Variants in CDK5RAP2 observed in about 807,000 individuals in gnomAD.
The protein encoded by CDK5RAP2 is CDK5 regulatory subunit associated protein 2, also known as CDK5 regulatory subunit-associated protein 2.
Under a neutral mutation model 232.9 loss-of-function variants are expected in CDK5RAP2, and 147 were observed. The ratio of observed to expected loss-of-function variants is 0.63; its 90% CI spans 0.55 to 0.72. The LOEUF is 0.72. Among genes scored for constraint, CDK5RAP2 ranks in the 30% least tolerant of loss-of-function variants. The pLI is 0.00. For synonymous variants in CDK5RAP2, 833 were observed against 833.7 expected (o/e 1.00, Z 0.01); for missense variants, 2,195 against 2,231.5 (o/e 0.98, Z 0.33).
rs779426467 is a variant in CDK5RAP2 at position 120,458,651 on chromosome 9, T to C, written c.2203-29A>G. 1.1e-5 allele frequency: 17 copies of C among 1,607,808 alleles called. No homozygotes were observed. In the African/African-American group the frequency reaches 1.2e-4, roughly 11 times the overall value. ...CAAATAAAAGTATTTGGTCAAATAA[T>C]GGAATAAGGAGGAAGGGAATGGGGT... On this transcript the variant is annotated intron_variant, in intron 19 of 37. Coordinates refer to ENST00000349780, the MANE Select transcript of CDK5RAP2 (RefSeq NM_018249.6).
At chr9:120,518,840 T>C (rs765973928) in intron 11 of CDK5RAP2, among the ~76,000 whole-genome samples, 195 bp from the exon 12 acceptor site, 12 of 152,008 alleles carry the variant, frequency 7.9e-5, no homozygotes, top group Non-Finnish European at 7.4e-5. Context: ...ATGATGTGGA[T>C]GGTTGTATGA....
Position 120,437,408 on chromosome 9 carries a change from A to T in CDK5RAP2, c.3842T>A (p.Phe1281Tyr). ...RQHMNTMIKAFEELLQASDVD... is the reference protein window; with the variant it reads ...RQHMNTMIKAYEELLQASDVD... ...ATCACTGGCCTGCAGCAACTCCTCA[A>T]ATGCCTTAATCATGGTGTTCATGTG... Residue 1281 changes from phenylalanine to tyrosine, a missense_variant, in exon 25 of 38, where the codon TTT becomes TAT. Coordinates refer to ENST00000349780, the MANE Select transcript of CDK5RAP2 (RefSeq NM_018249.6). 6.2e-7 allele frequency: 1 copy of T among 1,614,096 alleles called. No individual in the cohort carries two copies. Among genetic ancestry groups the T allele is most frequent in the East Asian group, 2.2e-5 (1 of 44,884 alleles).
At position 120,527,931 on chromosome 9, in the gene CDK5RAP2, T is replaced by C; in HGVS notation, c.880-6A>G. On this transcript the variant is annotated splice_region_variant and splice_polypyrimidine_tract_variant and intron_variant, in intron 9 of 37. Coordinates refer to ENST00000349780, the MANE Select transcript of CDK5RAP2 (RefSeq NM_018249.6). ...CTCAGGTCCTCTTCAAGTGCCTAAATTAGATTAGAAAAAGATTCACTAAGT... is the reference window on the plus strand; with the variant it reads ...CTCAGGTCCTCTTCAAGTGCCTAAACTAGATTAGAAAAAGATTCACTAAGT... 1 of 1,613,670 alleles carries C rather than the reference T, an allele frequency of 6.2e-7. No individual in the cohort carries two copies. Among genetic ancestry groups the C allele is most frequent in the African/African-American group, 1.3e-5 (1 of 75,058 alleles).
intron 7 of CDK5RAP2, 97 bp downstream of exon 7, chr9:120,536,275 G>A (rs2041380475): frequency 1.5e-6 from 2 of 1,345,934 alleles, no homozygotes; most frequent in East Asian, 4.6e-5. Context: ...GGAAACATGG[G>A]GAGAAGGGAG....
At chr9:120,458,765 GGGA>G (rs1564247834) in intron 19 of CDK5RAP2, 143 bp from the exon 20 acceptor site, 3 of 733,048 alleles carry the variant, frequency 4.1e-6, no homozygotes, top group South Asian at 3.2e-5. Flanking sequence ...AAAGAAAAGG[GGGA>G]GGAGAAGGAG....
At chr9:120,415,308 G>T in intron 27 of CDK5RAP2, 149 bp from the exon 28 acceptor site, 1 of 840,416 alleles carries the variant, frequency 1.2e-6, no homozygotes, top group Non-Finnish European at 1.9e-6. Context: ...GCATGGGGAG[G>T]GTGAGCTATT....
intron 30 of CDK5RAP2, among the ~76,000 whole-genome samples, chr9:120,408,787 T>G (rs2033655479): frequency 6.6e-6 from 1 of 152,264 alleles, no homozygotes; most frequent in Non-Finnish European, 1.5e-5. Flanking sequence ...CTAAGCCACT[T>G]TGCCTCAGGG....
intron 35 of CDK5RAP2, among the ~76,000 whole-genome samples, chr9:120,400,158 G>A (rs1007613063): frequency 2.6e-5 from 4 of 152,156 alleles, no homozygotes; most frequent in African/African-American, 9.7e-5. Flanking sequence ...CGTTCACCTT[G>A]TCATGACACC....
chr9:120,528,077 C>A, intron 9 of CDK5RAP2, 152 bp from the exon 10 acceptor site: 1 of 1,095,944 alleles, frequency 9.1e-7, no homozygotes, highest in Non-Finnish European at 1.3e-6. Flanking sequence ...GAACATAGTG[C>A]CATCAGCTCC....
At chr9:120,564,685 T>C (rs1172680695) in intron 3 of CDK5RAP2, among the ~76,000 whole-genome samples, 2 of 152,242 alleles carry the variant, frequency 1.3e-5, no homozygotes, top group African/African-American at 2.4e-5. Context: ...AATAATGCCA[T>C]CCATGAGTAT....
chr9:120,508,314 G>A (rs1261894772), intron 12 of CDK5RAP2, among the ~76,000 whole-genome samples: 2 of 152,130 alleles, frequency 1.3e-5, no homozygotes, highest in African/African-American at 2.4e-5. Context: ...AGGCTGTGGC[G>A]GAAACAGATG....
At chr9:120,560,107 CAGCAAGAGCTAAG>C (rs1396189385) in intron 3 of CDK5RAP2, among the ~76,000 whole-genome samples, 3 of 152,222 alleles carry the variant, frequency 2.0e-5, no homozygotes, top group African/African-American at 7.2e-5. Context: ...CCACCCAAGA[CAGCAAGAGCTAAG>C]AGCAAGAGCT....
chr9:120,446,593 C>T (rs2036206200), intron 22 of CDK5RAP2, among the ~76,000 whole-genome samples: 1 of 152,130 alleles, frequency 6.6e-6, no homozygotes, highest in Non-Finnish European at 1.5e-5. Flanking sequence ...CAAAAGTTTC[C>T]AATCTTACCA....
intron 12 of CDK5RAP2, chr9:120,517,900 A>C: frequency 3.0e-6 from 1 of 331,676 alleles, no homozygotes. Context: ...TCTCAAAAAA[A>C]ACAACAAAGA....
At position 120,542,823 on chromosome 9, in the gene CDK5RAP2, A is replaced by C. The variant is rs10984950; in HGVS notation, c.383+2891T>G. Among the ~76,000 whole-genome samples the C allele has an allele frequency of 3.2e-4, 48 of 152,346 alleles. No homozygotes were observed. The East Asian group carries it at 7.7e-3, about 24-fold the overall frequency. ...AGTGTTTTATAAACTAAAAAGTGTT[A>C]AACATAGAGTATTATCATTCTGTAC... is the stretch of plus-strand genomic sequence containing the variant. On this transcript the variant is annotated intron_variant, in intron 5 of 37. Transcript: ENST00000349780.
chr9:120,531,730 A>G (rs1230970376), intron 7 of CDK5RAP2, among the ~76,000 whole-genome samples: 1 of 152,228 alleles, frequency 6.6e-6, no homozygotes, highest in Non-Finnish European at 1.5e-5. Flanking sequence ...AAGATTTTGC[A>G]GTCAGACAGA....
intron 20 of CDK5RAP2, among the ~76,000 whole-genome samples, chr9:120,455,323 G>A (rs554497131): frequency 4.1e-4 from 62 of 150,824 alleles, no homozygotes; most frequent in African/African-American, 1.5e-3. Flanking sequence ...AAGGGGTGAG[G>A]CTGGAAAGAT....
intron 13 of CDK5RAP2, 74 bp from the exon 14 acceptor site, chr9:120,487,511 T>C (rs2038677905): frequency 8.7e-7 from 1 of 1,154,252 alleles, no homozygotes; most frequent in African/African-American, 1.6e-5. Flanking sequence ...CCAAACTCCT[T>C]AAGGAAAAAT....
At chr9:120,517,185 T>C (rs2040375942) in intron 12 of CDK5RAP2, among the ~76,000 whole-genome samples, 1 of 152,220 alleles carries the variant, frequency 6.6e-6, no homozygotes, top group South Asian at 2.1e-4. Context: ...TAAGAGTTAC[T>C]TTGCTAGGGT....
Sources: allele counts gnomAD v4.1 joint callset (sites outside exome capture counted in the v4.1 genomes callset), GRCh38; gene constraint gnomAD v4.1.1; transcripts MANE v1.5; gene names NCBI Gene and HGNC (gene_info 2026-07-23, HGNC 2026-07-21).